Variants in SMG7 observed in about 807,000 individuals in gnomAD.
SMG7 encodes SMG7 nonsense mediated mRNA decay factor.
SMG7 carries 34 observed loss-of-function variants against 148.2 expected under a neutral mutation model. That is an observed-to-expected ratio of 0.23 (90% CI 0.17 to 0.31). SMG7 has a LOEUF of 0.31. Ranked by LOEUF, SMG7 falls within the 10% of genes least tolerant of loss-of-function variation. The pLI is 1.00. For synonymous variants in SMG7, 492 were observed against 515.1 expected, an observed-to-expected ratio of 0.96 and a Z score of 0.61; for missense variants, 1,114 against 1,408.4, an observed-to-expected ratio of 0.79 and a Z score of 3.35.
intron 1 of SMG7, among the ~76,000 whole-genome samples, chr1:183,507,796 A>T (rs1240389191): frequency 6.6e-6 from 1 of 152,168 alleles, no homozygotes; most frequent in Non-Finnish European, 1.5e-5. Flanking sequence ...TTCCACGAGT[A>T]TTTATTGTTT....
intron 3 of SMG7, 88 bp downstream of exon 3, chr1:183,516,079 C>T: frequency 1.3e-6 from 1 of 786,306 alleles, no homozygotes; most frequent in Non-Finnish European, 2.1e-6. Flanking sequence ...ATTTATTTTT[C>T]AACCTGTTGC....
At chr1:183,533,952 G>A (rs1667293814) in intron 10 of SMG7, 120 bp downstream of exon 10, 7 of 781,826 alleles carry the variant, frequency 9.0e-6, no homozygotes, top group Admixed American at 8.5e-5. Flanking sequence ...ATTTTCTGCC[G>A]ACTCTCGGGA....
At position 183,546,344 on chromosome 1, in the gene SMG7, GTT is replaced by G. The variant is rs1362188396; in HGVS notation, c.2742+8_2742+9del. ...ACCCAGAATGCCGTTTGAGGTGTGT[GTT>G]CTTTCCTATCACCAGGCAATTTGGA... is the stretch of plus-strand genomic sequence containing the variant. On this transcript the variant is annotated splice_region_variant and intron_variant, in intron 17 of 22. Transcript: ENST00000688051. The G allele has an allele frequency of 6.3e-7, 1 of 1,596,344 alleles. No individual in the cohort carries two copies. Among genetic ancestry groups the G allele is most frequent in the Non-Finnish European group, 8.5e-7 (1 of 1,169,922 alleles).
intron 1 of SMG7, among the ~76,000 whole-genome samples, chr1:183,493,262 A>G (rs529274890): frequency 6.6e-6 from 1 of 152,354 alleles, no homozygotes; most frequent in East Asian, 1.9e-4. Context: ...GGTGTGAGCC[A>G]CTACACCCGG....
At chr1:183,539,495 TATGTCTCTTGAA>T (rs1261463423) in intron 12 of SMG7, among the ~76,000 whole-genome samples, 2 of 152,184 alleles carry the variant, frequency 1.3e-5, no homozygotes, top group Non-Finnish European at 2.9e-5. Context: ...AATCCATCCC[TATGTCTCTTGAA>T]TGGTATGTCC....
intron 1 of SMG7, among the ~76,000 whole-genome samples, chr1:183,511,355 C>T (rs1662113973): frequency 6.6e-6 from 1 of 152,126 alleles, no homozygotes; most frequent in Non-Finnish European, 1.5e-5. Flanking sequence ...ATAGGATTAT[C>T]CTTAATCTAG....
chr1:183,547,025 T>A (rs1235219445), intron 17 of SMG7, 78 bp from the exon 18 acceptor site: 7 of 1,373,418 alleles, frequency 5.1e-6, no homozygotes, highest in Non-Finnish European at 5.9e-6. Flanking sequence ...GTTGTCTTCT[T>A]CCACCTAATT....
rs569403882 is a variant in SMG7, at chr1:183,535,926, A to T, written c.1164-1219A>T. The stretch of plus-strand genomic sequence containing the variant: ...TGTTACATCTCCAAAGGTTTGTAGC[A>T]GACGTTTATTCTTCAATATTTGTTT... On this transcript the variant is annotated intron_variant, in intron 10 of 22. Transcript: ENST00000688051. Among the ~76,000 whole-genome samples, 17 of 152,204 alleles carry T rather than the reference A, an allele frequency of 1.1e-4. No individual in the cohort carries two copies. In the South Asian group the frequency reaches 3.5e-3, roughly 32 times the overall value.
At chr1:183,497,278 A>G (rs1488430010) in intron 1 of SMG7, among the ~76,000 whole-genome samples, 30 of 152,232 alleles carry the variant, frequency 2.0e-4, no homozygotes, top group Non-Finnish European at 2.9e-5. Context: ...TGGCTGTGAT[A>G]GCTAAGAAAA....
chr1:183,550,339 G>A (rs1670782405), intron 20 of SMG7, among the ~76,000 whole-genome samples: 1 of 152,064 alleles, frequency 6.6e-6, no homozygotes, highest in Non-Finnish European at 1.5e-5. Context: ...CAAGTAGCTG[G>A]GACTACAGGT....
At chr1:183,534,806 G>A (rs2102655687) in intron 10 of SMG7, among the ~76,000 whole-genome samples, 2 of 152,094 alleles carry the variant, frequency 1.3e-5, no homozygotes, top group South Asian at 4.2e-4. Flanking sequence ...AGCAGAGGTT[G>A]CGGTGAGCTG....
intron 1 of SMG7, among the ~76,000 whole-genome samples, chr1:183,492,622 T>G (rs536772933): frequency 5.9e-5 from 9 of 152,238 alleles, no homozygotes; most frequent in Non-Finnish European, 1.2e-4. Context: ...GTTATAACTA[T>G]AGTTCAGTTT....
intron 4 of SMG7, among the ~76,000 whole-genome samples, chr1:183,519,332 A>G (rs547929364): frequency 6.6e-6 from 1 of 152,294 alleles, no homozygotes; most frequent in East Asian, 1.9e-4. Flanking sequence ...AATTTATTTT[A>G]AAATTTATGC....
intron 10 of SMG7, among the ~76,000 whole-genome samples, chr1:183,536,882 C>G (rs1667881777): frequency 6.6e-6 from 1 of 152,096 alleles, no homozygotes; most frequent in East Asian, 1.9e-4. Context: ...ATTATTTTCA[C>G]CATTTGTTGA....
intron 4 of SMG7, among the ~76,000 whole-genome samples, chr1:183,523,572 C>G (rs957984631): frequency 6.6e-6 from 1 of 152,126 alleles, no homozygotes; most frequent in African/African-American, 2.4e-5. Flanking sequence ...CAGGGTCAAC[C>G]TATATGAAGG....
intron 3 of SMG7, 84 bp from the exon 4 acceptor site, chr1:183,517,600 AACAG>A: frequency 8.2e-7 from 1 of 1,222,152 alleles, no homozygotes; most frequent in South Asian, 1.2e-5. Flanking sequence ...GTATAATTAT[AACAG>A]ACAGTTCTTT....
chr1:183,477,720 A>G (rs973700587), intron 1 of SMG7, among the ~76,000 whole-genome samples: 1 of 146,228 alleles, frequency 6.8e-6, no homozygotes, highest in Non-Finnish European at 1.5e-5. Context: ...ACGTGTGTGC[A>G]TGTGTATATA....
intron 1 of SMG7, among the ~76,000 whole-genome samples, chr1:183,493,504 TG>T (rs1294469842): frequency 6.6e-6 from 1 of 152,226 alleles, no homozygotes; most frequent in African/African-American, 2.4e-5. Flanking sequence ...ATTCTTTTGT[TG>T]GGTAAAATGT....
chr1:183,527,473 AG>A lies in SMG7; in HGVS notation c.485-481del, dbSNP rs1666083064. ...AGGGAGATTCATTGATACTGTGTTT[AG>A]GTTGTTTTGCTTTAAATATAATCTT... On this transcript the variant is annotated intron_variant, in intron 5 of 22. Coordinates refer to ENST00000688051, the MANE Select transcript of SMG7 (RefSeq NM_001375584.1). The surrounding 1 kb of genome is among the most constrained non-coding windows in gnomAD (Gnocchi z 4.0). Among the ~76,000 whole-genome samples the A allele has an allele frequency of 2.6e-5, 4 of 152,212 alleles. No homozygotes were observed. In the South Asian group the frequency reaches 8.3e-4, roughly 31 times the overall value.
Sources: gnomAD v4.1 joint callset for allele counts (sites outside exome capture counted in the v4.1 genomes callset) on GRCh38, gnomAD v4.1.1 for gene constraint, Gnocchi (gnomAD v3.1) non-coding constraint, MANE v1.5 for transcripts, NCBI Gene and HGNC (gene_info 2026-07-23, HGNC 2026-07-21) for gene names.